SIMC1: variants seen among roughly 807,000 people sequenced by gnomAD.
SIMC1 encodes SUMO interacting motifs containing 1, also known as SUMO-interacting motif-containing protein 1.
In SIMC1, 55 loss-of-function variants were observed where a neutral mutation model predicts 82.3. The observed-to-expected ratio is 0.67, with a 90% CI of 0.54 to 0.84. SIMC1 has a LOEUF of 0.84. Among genes scored for constraint, SIMC1 ranks in the 40% least tolerant of loss-of-function variants. The probability of loss-of-function intolerance (pLI) is 0.00; values close to 1 mark genes in which losing one functional copy is unlikely to be tolerated. For synonymous variants in SIMC1, 353 were observed against 426.3 expected (o/e 0.83, Z 2.12); for missense variants, 915 against 1,107.2 (o/e 0.83, Z 2.46).
chr5:176,263,283 T>G, intron 1 of SIMC1: 1 of 757,898 alleles, frequency 1.3e-6, no homozygotes, highest in Non-Finnish European at 2.0e-6. Context: ...ATCAACAAAC[T>G]GATTGTAAAG....
intron 4 of SIMC1, among the ~76,000 whole-genome samples, chr5:176,305,604 C>T (rs913220785): frequency 6.9e-6 from 1 of 144,744 alleles, no homozygotes; most frequent in African/African-American, 2.6e-5. Context: ...TCCGCCCGGC[C>T]AACCCCCCCG....
intron 1 of SIMC1, among the ~76,000 whole-genome samples, chr5:176,265,266 T>TCAAA (rs79477198): frequency 0.59 from 89,587 of 150,682 alleles, 26,690 homozygotes; most frequent in Middle Eastern, 0.71. Flanking sequence ...ACTCTCCACT[T>TCAAA]CAAACAAACA....
At chr5:176,249,859 A>AT (rs1761590915) in intron 1 of SIMC1, among the ~76,000 whole-genome samples, 1 of 151,338 alleles carries the variant, frequency 6.6e-6, no homozygotes, top group African/African-American at 2.4e-5. Flanking sequence ...AAAAAAAAAA[A>AT]AAAAACCAGC....
At chr5:176,273,279 T>G (rs1490895443) in intron 1 of SIMC1, among the ~76,000 whole-genome samples, 2 of 152,204 alleles carry the variant, frequency 1.3e-5, no homozygotes, top group African/African-American at 4.8e-5. Flanking sequence ...TCCGCAATAT[T>G]CACTGTTCTG....
At chr5:176,326,838 T>G (rs1056456481) in intron 7 of SIMC1, among the ~76,000 whole-genome samples, 1 of 152,332 alleles carries the variant, frequency 6.6e-6, no homozygotes, top group South Asian at 2.1e-4. Flanking sequence ...GTGCTGGGAT[T>G]ACAGGCGTAA....
intron 2 of SIMC1, among the ~76,000 whole-genome samples, chr5:176,291,587 C>T (rs1408558390): frequency 2.0e-5 from 3 of 152,082 alleles, no homozygotes; most frequent in Admixed American, 2.0e-4. Flanking sequence ...CCACCCGCCT[C>T]GGCCTCCCAA....
intron 1 of SIMC1, among the ~76,000 whole-genome samples, chr5:176,275,518 G>A (rs1203768123): frequency 6.6e-6 from 1 of 151,844 alleles, no homozygotes; most frequent in African/African-American, 2.4e-5. Context: ...TGTTGAAGAG[G>A]AGTGGTGAGA....
At chr5:176,281,663 G>A (rs1393901977) in intron 1 of SIMC1, among the ~76,000 whole-genome samples, 1 of 152,182 alleles carries the variant, frequency 6.6e-6, no homozygotes, top group Non-Finnish European at 1.5e-5. Context: ...ACCCTCAGCT[G>A]CAGGTCTGTT....
intron 1 of SIMC1, among the ~76,000 whole-genome samples, chr5:176,285,228 A>G (rs905889620): frequency 6.6e-6 from 1 of 151,376 alleles, no homozygotes; most frequent in African/African-American, 2.4e-5. Context: ...CATTGATGCA[A>G]AAATCCTCAA....
intron 1 of SIMC1, among the ~76,000 whole-genome samples, chr5:176,281,854 C>A (rs1181269227): frequency 6.6e-6 from 1 of 152,212 alleles, no homozygotes; most frequent in African/African-American, 2.4e-5. Flanking sequence ...GGGTGCCTCC[C>A]AGTTAGGCTG....
intron 1 of SIMC1, among the ~76,000 whole-genome samples, chr5:176,288,033 A>AG (rs1200443231): frequency 1.3e-5 from 2 of 152,152 alleles, no homozygotes; most frequent in African/African-American, 4.8e-5. Context: ...AAACAATCAA[A>AG]GGGATGATAG....
intron 1 of SIMC1, among the ~76,000 whole-genome samples, chr5:176,249,768 C>T (rs1211210923): frequency 1.5e-5 from 2 of 134,854 alleles, no homozygotes; most frequent in East Asian, 2.4e-4. Context: ...GGTGTGAACC[C>T]GGGAGGTGGA....
intron 7 of SIMC1, among the ~76,000 whole-genome samples, chr5:176,327,754 G>A (rs1212504452): frequency 6.6e-6 from 1 of 152,098 alleles, no homozygotes; most frequent in Non-Finnish European, 1.5e-5. Context: ...TCAGTTTGAG[G>A]GAGCTTCCTT....
At chr5:176,244,706 C>CT (rs1246145883) in intron 1 of SIMC1, among the ~76,000 whole-genome samples, 111 of 119,000 alleles carry the variant, frequency 9.3e-4, no homozygotes, top group Middle Eastern at 5.2e-3. Context: ...TATAATGTTT[C>CT]TTTTTTTTTT....
intron 5 of SIMC1, among the ~76,000 whole-genome samples, chr5:176,322,023 G>T (rs1765184810): frequency 6.6e-6 from 1 of 150,656 alleles, no homozygotes; most frequent in Non-Finnish European, 1.5e-5. Flanking sequence ...ACCATACCTG[G>T]CCTTTAGTTG....
At chr5:176,280,392 T>C (rs1303578698) in intron 1 of SIMC1, among the ~76,000 whole-genome samples, 2 of 152,204 alleles carry the variant, frequency 1.3e-5, no homozygotes, top group African/African-American at 4.8e-5. Flanking sequence ...TTTATCCAAT[T>C]TGCCAGTCTG....
chr5:176,296,081 CAATG>C, intron 3 of SIMC1, 166 bp from the exon 4 acceptor site: 1 of 1,248,648 alleles, frequency 8.0e-7, no homozygotes, highest in Non-Finnish European at 1.1e-6. Flanking sequence ...TAGCAAAAAA[CAATG>C]AAGTTCCACT....
At chr5:176,253,656 G>C (rs1399940200) in intron 1 of SIMC1, among the ~76,000 whole-genome samples, 1 of 152,124 alleles carries the variant, frequency 6.6e-6, no homozygotes, top group Non-Finnish European at 1.5e-5. Context: ...GGGAGGTTTG[G>C]AGGGAGTAGC....
intron 4 of SIMC1, among the ~76,000 whole-genome samples, chr5:176,301,433 G>A (rs1445799379): frequency 1.3e-5 from 2 of 152,106 alleles, no homozygotes; most frequent in African/African-American, 4.8e-5. Context: ...CCAGTCTAGG[G>A]TATGTCTTTA....
Sources: allele counts gnomAD v4.1 joint callset (sites outside exome capture counted in the v4.1 genomes callset), GRCh38; gene constraint gnomAD v4.1.1; transcripts MANE v1.5; gene names NCBI Gene and HGNC (gene_info 2026-07-23, HGNC 2026-07-21).